UNC13C: variants seen among roughly 807,000 people sequenced by gnomAD.
UNC13C encodes the protein protein unc-13 homolog C.
A neutral mutation model predicts 245.4 loss-of-function variants in UNC13C; 174 were observed. The ratio of observed to expected loss-of-function variants is 0.71; its 90% CI spans 0.63 to 0.80. The LOEUF is 0.80. Among genes scored for constraint, UNC13C ranks in the 30% least tolerant of loss-of-function variants. UNC13C has a pLI of 0.00. For synonymous variants in UNC13C, 992 were observed against 895.1 expected (o/e 1.11, Z -1.93); for missense variants, 2,829 against 2,602.9 (o/e 1.09, Z -1.89).
At chr15:54,131,418 T>C (rs1270127128) in intron 2 of UNC13C, among the ~76,000 whole-genome samples, 2 of 152,236 alleles carry the variant, frequency 1.3e-5, no homozygotes, top group Non-Finnish European at 2.9e-5. Context: ...TTACTTTCCA[T>C]GGTTTCAGTC....
intron 8 of UNC13C, among the ~76,000 whole-genome samples, chr15:54,260,053 C>T (rs907850254): frequency 1.3e-5 from 2 of 152,036 alleles, no homozygotes; most frequent in Admixed American, 1.3e-4. Flanking sequence ...TCGGCTCCCC[C>T]AAGAAGTATT....
chr15:54,174,293 G>C (rs1327939389), intron 4 of UNC13C, among the ~76,000 whole-genome samples: 2 of 152,132 alleles, frequency 1.3e-5, no homozygotes, highest in African/African-American at 4.8e-5. Context: ...TTATTTTCTT[G>C]TTAAGTGATT....
the UNC13C span, among the ~76,000 whole-genome samples, chr15:53,859,902 G>GT: frequency 7.2e-5 from 11 of 152,096 alleles, no homozygotes; most frequent in Non-Finnish European, 1.5e-4. Context: ...TTCTCCTACG[G>GT]TTTTGTCTTT....
At chr15:54,422,903 C>G (rs2040678555) in intron 19 of UNC13C, among the ~76,000 whole-genome samples, 2 of 150,524 alleles carry the variant, frequency 1.3e-5, no homozygotes, top group Admixed American at 1.3e-4. Flanking sequence ...TCTGTTTGTA[C>G]ATGTTTTGGT....
the UNC13C span, chr15:53,948,164 G>C: frequency 1.3e-5 from 2 of 152,146 alleles, no homozygotes; most frequent in Non-Finnish European, 2.9e-5. Context: ...GAACTAGCTA[G>C]ATTTTCTAAA....
At chr15:54,400,060 T>C (rs1186966185) in intron 18 of UNC13C, among the ~76,000 whole-genome samples, 1 of 151,982 alleles carries the variant, frequency 6.6e-6, no homozygotes, top group African/African-American at 2.4e-5. Context: ...TATTCTTGAG[T>C]TTTCACCTTC....
chr15:54,297,756 T>G, intron 11 of UNC13C, 55 bp from the exon 12 acceptor site: 27 of 1,299,278 alleles, frequency 2.1e-5, no homozygotes, highest in South Asian at 2.7e-5. Context: ...AGAGGTCGTA[T>G]GAGAAAAACA....
intron 19 of UNC13C, among the ~76,000 whole-genome samples, chr15:54,441,597 T>C (rs999495981): frequency 1.3e-5 from 2 of 152,168 alleles, no homozygotes; most frequent in Non-Finnish European, 2.9e-5. Context: ...GACTATAGCC[T>C]TGTAATATGT....
intron 24 of UNC13C, among the ~76,000 whole-genome samples, chr15:54,517,608 A>G (rs2141126241): frequency 6.6e-6 from 1 of 152,222 alleles, no homozygotes. Flanking sequence ...TGCTGTATGA[A>G]AAAAAGGTCT....
intron 30 of UNC13C, among the ~76,000 whole-genome samples, chr15:54,608,996 T>C (rs1397418777): frequency 6.6e-6 from 1 of 152,176 alleles, no homozygotes; most frequent in African/African-American, 2.4e-5. Flanking sequence ...GAGAGTTACA[T>C]TTTACTATTT....
chr15:54,487,795 AG>A, intron 19 of UNC13C, among the ~76,000 whole-genome samples: 1 of 28,078 alleles, frequency 3.6e-5, no homozygotes, highest in South Asian at 1.2e-3. Flanking sequence ...AAAAAGACAG[AG>A]AGAGAGAAAA....
At chr15:54,119,797 T>G (rs964985543) in intron 2 of UNC13C, among the ~76,000 whole-genome samples, 17 of 152,142 alleles carry the variant, frequency 1.1e-4, no homozygotes, top group African/African-American at 4.1e-4. Flanking sequence ...ACAACTTTAT[T>G]GCTCATATAA....
chr15:54,120,586 T>G (rs35454180), intron 2 of UNC13C, among the ~76,000 whole-genome samples: 28,844 of 151,990 alleles, frequency 0.19, 2,915 homozygotes, highest in South Asian at 0.28. Flanking sequence ...AGTCTCATTA[T>G]TTAAGAAATA....
intron 2 of UNC13C, among the ~76,000 whole-genome samples, chr15:54,094,220 C>T (rs974346296): frequency 6.6e-6 from 1 of 152,188 alleles, no homozygotes. Context: ...CTCCGCTAAA[C>T]TTTCCTTCCG....
intron 30 of UNC13C, chr15:54,611,659 T>A (rs1372400967): frequency 6.6e-6 from 1 of 152,124 alleles, no homozygotes; most frequent in African/African-American, 2.4e-5. Context: ...GTAAGTAAGT[T>A]ATAAATCCCT....
rs1231306290 is a variant in UNC13C, at chr15:54,332,051, A to G, written c.4434A>G (p.Lys1478=). 2 of 1,579,610 alleles carry G rather than the reference A, an allele frequency of 1.3e-6. No homozygotes were observed. The highest frequency in any genetic ancestry group is 8.6e-7 in the Non-Finnish European group (1 of 1,160,836). ...RFAATNFGRE[K]FIKLLDQLHN... ...GTGTTTGCTTTGTACAGAGGGAAAA[A>G]TTCATAAAACTACTGGACCAGTTAC... Residue 1478 remains lysine (K), a synonymous_variant, in exon 15 of 33, where the codon AAA becomes AAG. Transcript: ENST00000260323.
At chr15:54,466,939 G>T (rs192002866) in intron 19 of UNC13C, among the ~76,000 whole-genome samples, 1 of 151,934 alleles carries the variant, frequency 6.6e-6, no homozygotes, top group African/African-American at 2.4e-5. Flanking sequence ...TGATCCTAAA[G>T]AAATTAGGAG....
chr15:54,423,332 A>G (rs1026494291), intron 19 of UNC13C, among the ~76,000 whole-genome samples: 3 of 151,798 alleles, frequency 2.0e-5, no homozygotes, highest in African/African-American at 7.2e-5. Context: ...TATTTTGAAA[A>G]TATATTATGC....
chr15:54,340,669 T>G (rs947966727), intron 17 of UNC13C, among the ~76,000 whole-genome samples: 1 of 152,206 alleles, frequency 6.6e-6, no homozygotes, highest in African/African-American at 2.4e-5. Flanking sequence ...ACCAGTACCA[T>G]GCTGTTTTGG....
Sources: gnomAD v4.1 joint callset for allele counts (sites outside exome capture counted in the v4.1 genomes callset) on GRCh38, gnomAD v4.1.1 for gene constraint, MANE v1.5 for transcripts, NCBI Gene and HGNC (gene_info 2026-07-23, HGNC 2026-07-21) for gene names.